Variants in TMTC1 observed in about 807,000 individuals in gnomAD.
TMTC1 encodes the protein protein O-mannosyl-transferase TMTC1.
A neutral mutation model predicts 104.8 loss-of-function variants in TMTC1; 73 were observed. The ratio of observed to expected loss-of-function variants is 0.70; its 90% CI spans 0.58 to 0.85. The LOEUF (loss-of-function observed/expected upper bound fraction) is 0.85. Ranked by LOEUF, TMTC1 falls within the 40% of genes least tolerant of loss-of-function variation. The pLI, the probability that TMTC1 is intolerant of heterozygous loss-of-function variation, is 0.00. For synonymous variants in TMTC1, 434 were observed against 428.7 expected (o/e 1.01, Z -0.15); for missense variants, 1,035 against 1,096.1 (o/e 0.94, Z 0.79).
chr12:29,611,615 A>G (rs759000630), intron 6 of TMTC1, among the ~76,000 whole-genome samples: 14 of 152,338 alleles, frequency 9.2e-5, no homozygotes, highest in Non-Finnish European at 1.8e-4. Context: ...TGACATAGAA[A>G]AAGTTAGAAA....
chr12:29,602,192 G>T (rs192975183), intron 7 of TMTC1, among the ~76,000 whole-genome samples: 62 of 152,138 alleles, frequency 4.1e-4, no homozygotes, highest in African/African-American at 6.3e-4. Context: ...ACCCAGGCTG[G>T]AGTGCAGGGG....
chr12:29,623,940 G>A (rs7976832), intron 6 of TMTC1, among the ~76,000 whole-genome samples: 72,684 of 151,932 alleles, frequency 0.48, 19,953 homozygotes, highest in African/African-American at 0.76. Flanking sequence ...TGCACTCCAT[G>A]GACACACACA....
intron 3 of TMTC1, among the ~76,000 whole-genome samples, chr12:29,756,317 T>A (rs889470381): frequency 3.3e-5 from 5 of 152,178 alleles, no homozygotes; most frequent in African/African-American, 1.2e-4. Flanking sequence ...TTCCCTTATG[T>A]GTGAAAAGGG....
At position 29,640,061 on chromosome 12, in the gene TMTC1, T is replaced by C. The variant is rs74945530; in HGVS notation, c.939-6725A>G. 3.1e-4 allele frequency among the ~76,000 whole-genome samples: 47 copies of C among 152,260 alleles called. No homozygotes were observed. In the East Asian group the frequency reaches 4.6e-3, roughly 15 times the overall value. The stretch of plus-strand genomic sequence containing the variant: ...TGGGGCATTCCGGGGCCGAGACCCA[T>C]CAGTAGTCCTGAACACTTGCTGCTT... On this transcript the variant is annotated intron_variant, in intron 5 of 17. Transcript: ENST00000539277.
rs983448741 is a variant in TMTC1, at chr12:29,628,252, T to C, written c.1128+4895A>G. Among the ~76,000 whole-genome samples the C allele has an allele frequency of 2.0e-5, 3 of 152,202 alleles. No homozygotes were observed. In the South Asian group the frequency reaches 6.2e-4, roughly 31 times the overall value. ...TAAGTGGATGGTGGTGGAGTTTTTC[T>C]GCCCCTACATTACATACAATGAAAT... On this transcript the variant is annotated intron_variant, in intron 6 of 17. Transcript: ENST00000539277.
intron 1 of TMTC1, among the ~76,000 whole-genome samples, chr12:29,772,724 T>C (rs1225535518): frequency 6.6e-6 from 1 of 152,160 alleles, no homozygotes; most frequent in African/African-American, 2.4e-5. Context: ...CAAAGAAGTA[T>C]AATGACAACC....
chr12:29,760,880 T>C (rs1288074136), intron 2 of TMTC1, among the ~76,000 whole-genome samples: 3 of 148,618 alleles, frequency 2.0e-5, no homozygotes, highest in African/African-American at 7.3e-5. Flanking sequence ...ACTATATGTA[T>C]AATGTATTAC....
intron 5 of TMTC1, among the ~76,000 whole-genome samples, chr12:29,746,166 T>C (rs1942951349): frequency 6.6e-6 from 1 of 152,196 alleles, no homozygotes; most frequent in Admixed American, 6.5e-5. Flanking sequence ...ATTAAAAAAA[T>C]ATGAACCTAG....
chr12:29,583,851 G>A (rs553328880), intron 7 of TMTC1, among the ~76,000 whole-genome samples: 55 of 152,194 alleles, frequency 3.6e-4, no homozygotes, highest in African/African-American at 1.3e-3. Flanking sequence ...TTCAGCAGCT[G>A]AGGCATCATG....
chr12:29,577,672 C>A (rs182418907), intron 8 of TMTC1, among the ~76,000 whole-genome samples: 19 of 152,222 alleles, frequency 1.2e-4, no homozygotes, highest in Admixed American at 9.8e-4. Context: ...TGCATTTCTA[C>A]AACAGCCAAA....
At position 29,543,088 on chromosome 12, in the gene TMTC1, A is replaced by T. The variant is rs113827664; in HGVS notation, c.1677-6771T>A. On this transcript the variant is annotated intron_variant, in intron 10 of 17. Transcript: ENST00000539277. ...CAGTGACATCATCATTAATTTCATA[A>T]GAGAAACATTAAGTAGAAATTAGAT... Among the ~76,000 whole-genome samples, 652 of 152,312 alleles carry T rather than the reference A, an allele frequency of 4.3e-3. 6 individuals are homozygous for T. The highest frequency in any genetic ancestry group is 0.015 in the African/African-American group (621 of 41,578).
At chr12:29,780,367 C>T (rs1943806546) in intron 1 of TMTC1, among the ~76,000 whole-genome samples, 1 of 152,180 alleles carries the variant, frequency 6.6e-6, no homozygotes, top group Admixed American at 6.5e-5. Flanking sequence ...GATCCAGAGA[C>T]ATGCTGAGTG....
chr12:29,574,003 A>G (rs923156331), intron 8 of TMTC1, among the ~76,000 whole-genome samples: 2 of 151,968 alleles, frequency 1.3e-5, no homozygotes, highest in Admixed American at 1.3e-4. Flanking sequence ...GAGGAAGTGG[A>G]AAGGGAGGGG....
chr12:29,623,939 T>C (rs1937828563), intron 6 of TMTC1, among the ~76,000 whole-genome samples: 1 of 152,112 alleles, frequency 6.6e-6, no homozygotes, highest in African/African-American at 2.4e-5. Context: ...CTGCACTCCA[T>C]GGACACACAC....
At chr12:29,597,165 G>A (rs953504497) in intron 7 of TMTC1, among the ~76,000 whole-genome samples, 1 of 150,732 alleles carries the variant, frequency 6.6e-6, no homozygotes, top group African/African-American at 2.4e-5. Context: ...TCCTCCTGAC[G>A]TTCCTAGTGG....
At chr12:29,592,829 T>C (rs1406438518) in intron 7 of TMTC1, among the ~76,000 whole-genome samples, 1 of 152,228 alleles carries the variant, frequency 6.6e-6, no homozygotes, top group Non-Finnish European at 1.5e-5. Context: ...ACTATAATGA[T>C]ATTACTGTTA....
At chr12:29,688,629 T>C (rs777713294) in intron 5 of TMTC1, among the ~76,000 whole-genome samples, 5 of 152,212 alleles carry the variant, frequency 3.3e-5, no homozygotes, top group Admixed American at 6.5e-5. Flanking sequence ...CAAAGTCTAA[T>C]GCCTGAGTTA....
chr12:29,732,993 C>T (rs909406204), intron 5 of TMTC1, among the ~76,000 whole-genome samples: 10 of 152,168 alleles, frequency 6.6e-5, no homozygotes, highest in African/African-American at 2.4e-4. Flanking sequence ...AGTACCTTCT[C>T]CTATATATAC....
intron 5 of TMTC1, among the ~76,000 whole-genome samples, chr12:29,655,923 A>G (rs778262980): frequency 6.6e-6 from 1 of 152,180 alleles, no homozygotes; most frequent in Non-Finnish European, 1.5e-5. Flanking sequence ...ATAAGAAACA[A>G]TACTTGCAAG....
Sources: gnomAD v4.1 joint callset for allele counts (sites outside exome capture counted in the v4.1 genomes callset) on GRCh38, gnomAD v4.1.1 for gene constraint, MANE v1.5 for transcripts, NCBI Gene and HGNC (gene_info 2026-07-23, HGNC 2026-07-21) for gene names.